DLC1: variants seen among roughly 807,000 people sequenced by gnomAD.
DLC1 encodes the protein DLC1 Rho GTPase activating protein.
A neutral mutation model predicts 140.3 loss-of-function variants in DLC1; 54 were observed. The ratio of observed to expected loss-of-function variants is 0.38; its 90% CI spans 0.31 to 0.48. DLC1 has a LOEUF of 0.48. Ranked by LOEUF, DLC1 falls within the 20% of genes least tolerant of loss-of-function variation. The pLI, the probability that DLC1 is intolerant of heterozygous loss-of-function variation, is 0.96. For synonymous variants in DLC1, 986 were observed against 728.1 expected (o/e 1.35, Z -5.70); for missense variants, 2,536 against 1,907.0 (o/e 1.33, Z -6.14).
At chr8:13,489,554 C>T (rs1360962599) in intron 2 of DLC1, among the ~76,000 whole-genome samples, 1 of 145,272 alleles carries the variant, frequency 6.9e-6, no homozygotes, top group African/African-American at 2.5e-5. Context: ...ATATTTCTGA[C>T]AATAGATGGA....
chr8:13,211,482 G>A (rs1045725999), intron 5 of DLC1, among the ~76,000 whole-genome samples: 10 of 152,180 alleles, frequency 6.6e-5, no homozygotes, highest in African/African-American at 2.4e-4. Context: ...CCTGAGTGAA[G>A]CCAAAAACCC....
intron 1 of DLC1, among the ~76,000 whole-genome samples, chr8:13,531,742 C>G (rs1328969400): frequency 6.6e-6 from 1 of 152,176 alleles, no homozygotes; most frequent in Non-Finnish European, 1.5e-5. Context: ...GAAATCTTAT[C>G]CTTCCAAATA....
chr8:13,452,920 C>T (rs564151358), intron 2 of DLC1, among the ~76,000 whole-genome samples: 1 of 152,162 alleles, frequency 6.6e-6, no homozygotes, highest in East Asian at 1.9e-4. Context: ...ATGAGAATGG[C>T]CATGATATGA....
In DLC1 at chr8:13,197,379, T is replaced by C. The variant is rs536389371; in HGVS notation, c.1349-81722A>G. 2.2e-3 allele frequency among the ~76,000 whole-genome samples: 329 copies of C among 152,200 alleles called. 1 individual carries two copies. The highest frequency in any genetic ancestry group is 3.5e-3 in the Non-Finnish European group (235 of 68,016). On this transcript the variant is annotated intron_variant, in intron 5 of 17. Transcript: ENST00000276297. ...TTTATTTTTTTTGAGATGGGAGTCT[T>C]GCTCTGTCGCCCAGGCTGGAGTGCA...
intron 1 of DLC1, among the ~76,000 whole-genome samples, chr8:13,533,976 T>C (rs1585249340): frequency 6.6e-6 from 1 of 152,182 alleles, no homozygotes; most frequent in Admixed American, 6.5e-5. Context: ...CAAACCTCTT[T>C]TGTTTATAAA....
chr8:13,391,908 AG>A (rs60266305), intron 4 of DLC1, among the ~76,000 whole-genome samples: 22,969 of 68,202 alleles, frequency 0.34, 1,864 homozygotes, highest in Middle Eastern at 0.42. Context: ...TTGAAAAAAA[AG>A]AAAAAGCCAA....
intron 5 of DLC1, among the ~76,000 whole-genome samples, chr8:13,260,999 T>A (rs1005446176): frequency 6.6e-6 from 1 of 152,240 alleles, no homozygotes. Flanking sequence ...TTTATATACA[T>A]GTCCGTTGAT....
intron 5 of DLC1, chr8:13,132,915 C>A: frequency 6.3e-7 from 1 of 1,584,006 alleles, no homozygotes. Flanking sequence ...CCGCGGCCAG[C>A]CCGACGGCAA....
chr8:13,497,950 G>A (rs1464820940), intron 2 of DLC1, among the ~76,000 whole-genome samples: 1 of 152,144 alleles, frequency 6.6e-6, no homozygotes, highest in Non-Finnish European at 1.5e-5. Flanking sequence ...GATCTAGTTT[G>A]TAAGCAAAAC....
At chr8:13,129,379 C>G (rs767389722) in intron 5 of DLC1, among the ~76,000 whole-genome samples, 3 of 152,164 alleles carry the variant, frequency 2.0e-5, no homozygotes, top group Non-Finnish European at 2.9e-5. Context: ...CTTTCTAGGA[C>G]ACACTGGATA....
At chr8:13,504,914 A>G (rs1056755273) in intron 1 of DLC1, among the ~76,000 whole-genome samples, 1 of 152,206 alleles carries the variant, frequency 6.6e-6, no homozygotes, top group Non-Finnish European at 1.5e-5. Context: ...TCAGGATAAA[A>G]GTTGTGTAGC....
chr8:13,188,750 A>C (rs986483087), intron 5 of DLC1, among the ~76,000 whole-genome samples: 11 of 141,776 alleles, frequency 7.8e-5, no homozygotes, highest in African/African-American at 2.6e-4. Flanking sequence ...AGCTGGGATT[A>C]CAGGCATGTG....
chr8:13,347,302 A>G (rs537331167), intron 4 of DLC1, among the ~76,000 whole-genome samples: 2 of 152,344 alleles, frequency 1.3e-5, no homozygotes, highest in South Asian at 4.1e-4. Context: ...AAACAAAACC[A>G]CATTCAGTAA....
rs1563360787 is a variant in DLC1 at position 13,453,527 on chromosome 8, TG to T, written c.1023+45521del. ...GTATATATATATACATATATATATA[TG>T]TATATATATACATATATATATATAT... On this transcript the variant is annotated intron_variant, in intron 2 of 17. Coordinates refer to ENST00000276297, the MANE Select transcript of DLC1 (RefSeq NM_182643.3). Among the ~76,000 whole-genome samples the T allele has an allele frequency of 1.3e-4, 7 of 55,488 alleles. 1 individual carries two copies. Among genetic ancestry groups the T allele is most frequent in the African/African-American group, 5.6e-4 (6 of 10,702 alleles). The allele number at this position is 55,488 out of a possible 152,430, so 36.4% of individuals were successfully genotyped here. A position where few individuals can be genotyped will look rare whatever the true frequency, so the allele number is the denominator to read the frequency against.
At chr8:13,155,800 G>A (rs945208980) in intron 5 of DLC1, among the ~76,000 whole-genome samples, 2 of 152,190 alleles carry the variant, frequency 1.3e-5, no homozygotes, top group Admixed American at 1.3e-4. Flanking sequence ...ACTCAGAGCT[G>A]TAGGTTGGTA....
At position 13,083,542 on chromosome 8, in the gene DLC1, A is replaced by G. The variant is rs1817312620; in HGVS notation, c.*2269T>C. The stretch of plus-strand genomic sequence containing the variant: ...TAAGTGACCTCAGCAGAGTTCTTGA[A>G]AATGTTCATATCCTTCAAATTCTTC... On this transcript the variant is annotated 3_prime_UTR_variant, in exon 18 of 18. Coordinates refer to ENST00000276297, the MANE Select transcript of DLC1 (RefSeq NM_182643.3). The G allele has an allele frequency of 6.6e-6, 1 of 152,448 alleles. No individual in the cohort carries two copies. Among genetic ancestry groups the G allele is most frequent in the African/African-American group, 2.4e-5 (1 of 41,464 alleles). The allele number at this position is 152,448 out of a possible 1,614,324, so 9.4% of individuals were successfully genotyped here.
intron 2 of DLC1, among the ~76,000 whole-genome samples, chr8:13,451,291 A>G (rs890983936): frequency 3.3e-5 from 5 of 152,138 alleles, no homozygotes; most frequent in Non-Finnish European, 5.9e-5. Flanking sequence ...ATATTTTGGT[A>G]CAGGCATGCA....
chr8:13,317,408 A>G (rs1033701428), intron 4 of DLC1, among the ~76,000 whole-genome samples: 2 of 152,246 alleles, frequency 1.3e-5, no homozygotes, highest in African/African-American at 2.4e-5. Flanking sequence ...TGAAATTTAC[A>G]TATAACTTTA....
chr8:13,227,588 G>T (rs539701136), intron 5 of DLC1, among the ~76,000 whole-genome samples: 3 of 152,282 alleles, frequency 2.0e-5, no homozygotes, highest in Admixed American at 1.3e-4. Context: ...TAAATTAGTG[G>T]TAGCCTCTGC....
Sources: gnomAD v4.1 joint callset for allele counts (sites outside exome capture counted in the v4.1 genomes callset) on GRCh38, gnomAD v4.1.1 for gene constraint, MANE v1.5 for transcripts, NCBI Gene and HGNC (gene_info 2026-07-23, HGNC 2026-07-21) for gene names.